The following OSBP2 variants were observed in gnomAD, a reference collection of about 807,000 sequenced individuals.
OSBP2 encodes oxysterol-binding protein 2.
Under a neutral mutation model 96.0 loss-of-function variants are expected in OSBP2, and 66 were observed. The ratio of observed to expected loss-of-function variants is 0.69; its 90% CI spans 0.56 to 0.84. The LOEUF (loss-of-function observed/expected upper bound fraction) is 0.84. OSBP2 is among the 40% of genes least tolerant of loss of function. The pLI, the probability that OSBP2 is intolerant of heterozygous loss-of-function variation, is 0.00. For synonymous variants in OSBP2, 525 were observed against 520.9 expected (o/e 1.01, Z -0.11); for missense variants, 1,038 against 1,222.7 (o/e 0.85, Z 2.25).
Position 30,695,188 on chromosome 22 carries a change from G to T in OSBP2, c.279G>T (p.Gly93=). 1.2e-6 allele frequency: 2 copies of T among 1,612,616 alleles called. No individual in the cohort carries two copies. Among genetic ancestry groups the T allele is most frequent in the Non-Finnish European group, 1.7e-6 (2 of 1,179,190 alleles). The change falls in exon 1 of 14, where the codon GGG becomes GGT. Residue 93 remains glycine, a synonymous_variant. Transcript: ENST00000332585. ...VSETTSEPEP[G]AGQPSELLQG... is the part of the protein sequence containing the mutation. ...AGACGACGTCTGAGCCGGAGCCAGG[G>T]GCTGGGCAGCCATCGGAACTGCTGC...
intron 2 of OSBP2, among the ~76,000 whole-genome samples, chr22:30,803,922 G>A (rs1486899582): frequency 6.6e-6 from 1 of 152,212 alleles, no homozygotes; most frequent in East Asian, 1.9e-4. Flanking sequence ...CTCTGAGTAA[G>A]CAGTTCAGGG....
At chr22:30,854,171 C>T (rs1228212010) in intron 2 of OSBP2, among the ~76,000 whole-genome samples, 1 of 152,154 alleles carries the variant, frequency 6.6e-6, no homozygotes, top group African/African-American at 2.4e-5. Context: ...AAATTTACAA[C>T]AGTGTACTTC....
intron 2 of OSBP2, among the ~76,000 whole-genome samples, chr22:30,866,463 G>A (rs2039341341): frequency 6.6e-6 from 1 of 152,224 alleles, no homozygotes. Context: ...TTCTGGGCCA[G>A]GCGCGGTGGC....
chr22:30,788,775 C>T (rs1204323515), intron 2 of OSBP2, among the ~76,000 whole-genome samples: 1 of 152,104 alleles, frequency 6.6e-6, no homozygotes, highest in Non-Finnish European at 1.5e-5. Flanking sequence ...TGCAGTGGCA[C>T]CATCTCAGCT....
At chr22:30,722,323 G>A (rs993408956) in intron 1 of OSBP2, among the ~76,000 whole-genome samples, 17 of 152,128 alleles carry the variant, frequency 1.1e-4, no homozygotes, top group South Asian at 2.1e-4. Context: ...AGATGTTGGC[G>A]TGATGAAATC....
intron 2 of OSBP2, among the ~76,000 whole-genome samples, chr22:30,849,362 C>G (rs1292841770): frequency 6.6e-6 from 1 of 152,186 alleles, no homozygotes; most frequent in East Asian, 1.9e-4. Flanking sequence ...TACATCCCCA[C>G]CAGCAAGGTA....
intron 2 of OSBP2, among the ~76,000 whole-genome samples, chr22:30,778,303 G>GCACACACACACACACACACACA (rs34574171): frequency 4.1e-5 from 6 of 146,528 alleles, no homozygotes; most frequent in African/African-American, 1.0e-4. Context: ...GTGTGCATGT[G>GCACACACACACACACACACACA]CACACACACA....
At chr22:30,754,166 T>G (rs1025176706) in intron 2 of OSBP2, among the ~76,000 whole-genome samples, 5 of 152,108 alleles carry the variant, frequency 3.3e-5, no homozygotes, top group Non-Finnish European at 5.9e-5. Flanking sequence ...AGCCAAAAAT[T>G]GGGCAGACTT....
At chr22:30,694,634 AG>A (rs1335621928), upstream of OSBP2, among the ~76,000 whole-genome samples, 3 of 151,382 alleles carry the variant, frequency 2.0e-5, no homozygotes, top group African/African-American at 7.3e-5. Flanking sequence ...TCCCCTTCGG[AG>A]TTGACCGACC....
At chr22:30,900,358 T>C (rs1257042286) in intron 12 of OSBP2, among the ~76,000 whole-genome samples, 1 of 151,764 alleles carries the variant, frequency 6.6e-6, no homozygotes, top group East Asian at 1.9e-4. Flanking sequence ...TAATAAGAGA[T>C]ACCAAAGAAG....
At chr22:30,885,232 G>A (rs1433807191) in intron 3 of OSBP2, among the ~76,000 whole-genome samples, 1 of 152,222 alleles carries the variant, frequency 6.6e-6, no homozygotes, top group Non-Finnish European at 1.5e-5. Flanking sequence ...GGGCAATTGG[G>A]TGGGGAGGAA....
intron 2 of OSBP2, among the ~76,000 whole-genome samples, chr22:30,789,082 G>A (rs1020071369): frequency 3.3e-5 from 5 of 152,160 alleles, no homozygotes; most frequent in African/African-American, 9.7e-5. Flanking sequence ...AAAATTACTC[G>A]GCATTAGCCC....
In OSBP2 at chr22:30,870,476, G is replaced by A. The variant is rs778996357; in HGVS notation, c.901G>A (p.Glu301Lys). Residue 301 changes from glutamate (E) to lysine (K), a missense_variant, in exon 3 of 14, where the codon GAG becomes AAG. Physicochemically the swap from Glu to Lys is moderately conservative, Grantham distance 56. Coordinates refer to ENST00000332585, the MANE Select transcript of OSBP2 (RefSeq NM_030758.4). This position sits in a 1 kb window ranked among gnomAD's most constrained non-coding sequence, Gnocchi z 4.1. The part of the protein sequence containing the change: ...DEATTPADKS[E>K]LHHTLKNLSL... ...GGCTACCACCCCAGCCGACAAGAGC[G>A]AGCTGCACCACACCCTGAAGAATCT... is the stretch of plus-strand genomic sequence containing the variant. 1.1e-5 allele frequency: 17 copies of A among 1,613,916 alleles called. No individual in the cohort carries two copies. Among genetic ancestry groups the A allele is most frequent in the Middle Eastern group, 1.6e-4 (1 of 6,084 alleles).
At chr22:30,810,893 C>G (rs2090997216) in intron 2 of OSBP2, among the ~76,000 whole-genome samples, 1 of 152,182 alleles carries the variant, frequency 6.6e-6, no homozygotes, top group Non-Finnish European at 1.5e-5. Context: ...ATTAGAGAGT[C>G]ACTCGTAGGG....
chr22:30,803,528 C>CAG lies in OSBP2; in HGVS notation c.853+62162_853+62163dup, dbSNP rs138027717. 1.9e-3 allele frequency among the ~76,000 whole-genome samples: 296 copies of CAG among 152,344 alleles called. 1 individual carries two copies. The highest frequency in any genetic ancestry group is 6.6e-3 in the African/African-American group (275 of 41,580). On this transcript the variant is annotated intron_variant, in intron 2 of 13. Transcript: ENST00000332585. Reference sequence around the variant, plus strand: ...CAGCTTCCCGTCTCTGGTCTCTGTTCAGAGGCCTGGCCCCGAGCAACCTAG... The same window carrying CAG: ...CAGCTTCCCGTCTCTGGTCTCTGTTCAGAGAGGCCTGGCCCCGAGCAACCTAG...
chr22:30,709,364 T>A (rs971164534), intron 1 of OSBP2, among the ~76,000 whole-genome samples: 1 of 152,152 alleles, frequency 6.6e-6, no homozygotes, highest in Non-Finnish European at 1.5e-5. Context: ...TGTTCCTCTC[T>A]CCTCTGTAAG....
intron 12 of OSBP2, among the ~76,000 whole-genome samples, chr22:30,897,420 A>G (rs748614544): frequency 6.6e-6 from 1 of 152,222 alleles, no homozygotes; most frequent in Non-Finnish European, 1.5e-5. Context: ...TCAAGTATAC[A>G]TGGAATGTAT....
intron 12 of OSBP2, chr22:30,902,140 C>CAAAAAA (rs1239083048): frequency 1.6e-4 from 41 of 258,588 alleles, no homozygotes; most frequent in Admixed American, 2.8e-4. Context: ...AAAAAAAAAC[C>CAAAAAA]AAAAAAAAAA....
At chr22:30,812,193 C>A (rs2091017552) in intron 2 of OSBP2, among the ~76,000 whole-genome samples, 1 of 151,482 alleles carries the variant, frequency 6.6e-6, no homozygotes. Context: ...TTTGAGACAG[C>A]CTCGCTCTGT....
Sources: allele counts gnomAD v4.1 joint callset (sites outside exome capture counted in the v4.1 genomes callset), GRCh38; gene constraint gnomAD v4.1.1; non-coding constraint Gnocchi (gnomAD v3.1); transcripts MANE v1.5; gene names NCBI Gene and HGNC (gene_info 2026-07-23, HGNC 2026-07-21).